Variants in PLEKHO2 observed in about 807,000 individuals in gnomAD.
PLEKHO2 encodes the protein pleckstrin homology domain-containing family O member 2.
A neutral mutation model predicts 32.7 loss-of-function variants in PLEKHO2; 20 were observed. The observed-to-expected ratio is 0.61, with a 90% CI of 0.43 to 0.89. The LOEUF (loss-of-function observed/expected upper bound fraction) is 0.89. Among genes scored for constraint, PLEKHO2 ranks in the 40% least tolerant of loss-of-function variants. PLEKHO2 has a pLI of 0.00. For missense variants in PLEKHO2, 568 were observed against 621.2 expected (o/e 0.91, Z 0.91); for synonymous variants, 247 against 246.3 (o/e 1.00, Z -0.03).
chr15:64,861,365 C>T (rs2084639407), intron 4 of PLEKHO2, 112 bp from the exon 5 acceptor site: 1 of 715,460 alleles, frequency 1.4e-6, no homozygotes. Context: ...GGGAGATTCC[C>T]AGAGAGGGCA....
At position 64,854,955 on chromosome 15, in the gene PLEKHO2, G is replaced by A; in HGVS notation, c.197G>A (p.Gly66Asp). 1 of 1,612,544 alleles carries A rather than the reference G, an allele frequency of 6.2e-7. No individual in the cohort carries two copies. The highest frequency in any genetic ancestry group is 1.3e-5 in the African/African-American group (1 of 75,042). The change falls in exon 3 of 6, where the codon GGC (glycine) becomes GAC (aspartate). Residue 66 changes from glycine to aspartate, a missense_variant. Coordinates refer to ENST00000323544, the MANE Select transcript of PLEKHO2 (RefSeq NM_025201.5). ...AAGTGTGTGGAGACTGTGGAGCTGG[G>A]CAGCTATGAGAAGTGCCAGGACCTT... Reference protein sequence around the residue: ...DQKCVETVELGSYEKCQDLRA... With the variant: ...DQKCVETVELDSYEKCQDLRA...
chr15:64,864,874 A>T (rs2084669611), intron 5 of PLEKHO2, 25 bp from the exon 6 acceptor site: 1 of 1,535,114 alleles, frequency 6.5e-7, no homozygotes, highest in East Asian at 2.3e-5. Context: ...CCAAGATGAC[A>T]CCCATATACC....
chr15:64,848,819 C>T, intron 2 of PLEKHO2, 77 bp downstream of exon 2: 2 of 1,581,148 alleles, frequency 1.3e-6, no homozygotes, highest in African/African-American at 1.3e-5. Context: ...AGTAGGAGGA[C>T]CCTGGGTCTG....
intron 1 of PLEKHO2, among the ~76,000 whole-genome samples, chr15:64,844,809 C>G (rs1299537248): frequency 6.6e-6 from 1 of 152,184 alleles, no homozygotes; most frequent in East Asian, 1.9e-4. Flanking sequence ...CCAAACGAAC[C>G]CCAAGCCCTT....
At chr15:64,844,232 A>G (rs1487868578) in intron 1 of PLEKHO2, among the ~76,000 whole-genome samples, 3 of 152,174 alleles carry the variant, frequency 2.0e-5, no homozygotes, top group Admixed American at 2.0e-4. Context: ...ACCCTGGGCC[A>G]AGGTCCCTCA....
At chr15:64,859,333 G>A (rs181849264) in intron 3 of PLEKHO2, among the ~76,000 whole-genome samples, 67 of 152,348 alleles carry the variant, frequency 4.4e-4, no homozygotes, top group Non-Finnish European at 7.9e-4. Context: ...TGAGGCCTGA[G>A]GTCAGACACC....
intron 2 of PLEKHO2, among the ~76,000 whole-genome samples, chr15:64,849,031 A>G (rs1353154199): frequency 6.6e-6 from 1 of 151,234 alleles, no homozygotes; most frequent in East Asian, 1.9e-4. Flanking sequence ...GCTGGAGTGC[A>G]GTGGCGAGAT....
chr15:64,865,939 C>T lies in PLEKHO2; in HGVS notation c.*51C>T. The T allele has an allele frequency of 6.4e-7, 1 of 1,555,610 alleles. No individual in the cohort carries two copies. Among genetic ancestry groups the T allele is most frequent in the Non-Finnish European group, 8.7e-7 (1 of 1,155,574 alleles). On this transcript the variant is annotated 3_prime_UTR_variant, in exon 6 of 6. Coordinates refer to ENST00000323544, the MANE Select transcript of PLEKHO2 (RefSeq NM_025201.5). The stretch of plus-strand genomic sequence containing the variant: ...CCTTCTGGCCATCCATCAAGTCCAT[C>T]AAGGCCCAGCCCTGCTGAGAAATGT...
chr15:64,856,987 A>G (rs548769984), intron 3 of PLEKHO2, among the ~76,000 whole-genome samples: 291 of 152,232 alleles, frequency 1.9e-3, no homozygotes, highest in African/African-American at 6.1e-3. Flanking sequence ...AATGTCTTAC[A>G]TGCCCCTCTC....
rs936267556 is a variant in PLEKHO2 at position 64,865,542 on chromosome 15, C to T, written c.1127C>T (p.Pro376Leu). The T allele has an allele frequency of 1.2e-6, 2 of 1,614,142 alleles. No individual in the cohort carries two copies. Among genetic ancestry groups the T allele is most frequent in the Non-Finnish European group, 1.7e-6 (2 of 1,180,026 alleles). The change falls in exon 6 of 6, where the codon CCC (proline) becomes CTC (leucine). Residue 376 changes from proline (P) to leucine (L), a missense_variant. By Grantham distance (98) the Pro-to-Leu change is moderately conservative (BLOSUM62 -3). Transcript: ENST00000323544. The part of the protein sequence containing the change: ...PKDATTSTAL[P>L]PWDLPPQFHP... ...GATGCAACAACATCCACAGCACTGC[C>T]CCCCTGGGACCTGCCACCTCAGTTC...
In PLEKHO2 at chr15:64,861,509, T is replaced by G; in HGVS notation, c.417T>G (p.His139Gln). Residue 139 changes from histidine to glutamine, a missense_variant, in exon 5 of 6, where the codon CAT becomes CAG. Transcript: ENST00000323544. The part of the protein sequence containing the change: ...VKVDKSCALE[H>Q]VTRDRVRGGQ... Reference sequence around the variant, plus strand: ...TGGACAAGAGCTGCGCCCTGGAGCATGTGACACGGGACCGGGTGCGAGGGG... The same window carrying G: ...TGGACAAGAGCTGCGCCCTGGAGCAGGTGACACGGGACCGGGTGCGAGGGG... 1 of 1,608,546 alleles carries G rather than the reference T, an allele frequency of 6.2e-7. No individual in the cohort carries two copies. Among genetic ancestry groups the G allele is most frequent in the Non-Finnish European group, 8.5e-7 (1 of 1,178,064 alleles).
chr15:64,863,329 C>T (rs832886), intron 5 of PLEKHO2, among the ~76,000 whole-genome samples: 49,934 of 151,738 alleles, frequency 0.33, 10,839 homozygotes, highest in East Asian at 0.76. Flanking sequence ...CGTGGGAGGT[C>T]TGTTTTTGAG....
chr15:64,864,481 G>A (rs1050443664), intron 5 of PLEKHO2, among the ~76,000 whole-genome samples: 2 of 152,162 alleles, frequency 1.3e-5, no homozygotes, highest in African/African-American at 4.8e-5. Flanking sequence ...GGGGACCCTG[G>A]GTATGGTGAT....
rs1325853346 is a variant in PLEKHO2 at position 64,859,951 on chromosome 15, G to A, written c.337G>A (p.Ala113Thr). ...TGEEKESWIK[A>T]LNEGINRGKN... ...GGAGGAGAAGGAATCCTGGATCAAA[G>A]CCCTCAATGAAGGGATTAACCGAGG... The change falls in exon 4 of 6, where the codon GCC becomes ACC. Residue 113 changes from alanine (A) to threonine (T), a missense_variant. Coordinates refer to ENST00000323544, the MANE Select transcript of PLEKHO2 (RefSeq NM_025201.5). 5.6e-6 allele frequency: 9 copies of A among 1,614,098 alleles called. No individual in the cohort carries two copies. Among genetic ancestry groups the A allele is most frequent in the African/African-American group, 1.3e-5 (1 of 74,926 alleles).
At chr15:64,842,160 A>G in intron 1 of PLEKHO2, 132 bp downstream of exon 1, 26 of 862,272 alleles carry the variant, frequency 3.0e-5, no homozygotes, top group Non-Finnish European at 4.0e-5. Flanking sequence ...AGCCTGGGCA[A>G]ATGGGGCAGG....
In PLEKHO2 at chr15:64,865,296, C is replaced by A. The variant is rs767044896; in HGVS notation, c.881C>A (p.Pro294His). Residue 294 changes from proline (P) to histidine (H), a missense_variant, in exon 6 of 6, where the codon CCC becomes CAC. Coordinates refer to ENST00000323544, the MANE Select transcript of PLEKHO2 (RefSeq NM_025201.5). ...AAESAEPSQAPCSETSEAAPR... is the reference protein window; with the variant it reads ...AAESAEPSQAHCSETSEAAPR... ...GAGAGTGCAGAACCGTCCCAGGCAC[C>A]CTGTTCTGAGACTTCTGAGGCTGCC... The A allele has an allele frequency of 3.7e-6, 6 of 1,613,722 alleles. No individual in the cohort carries two copies. Among genetic ancestry groups the A allele is most frequent in the Non-Finnish European group, 5.1e-6 (6 of 1,179,814 alleles).
chr15:64,843,001 C>A (rs2084496666), intron 1 of PLEKHO2, among the ~76,000 whole-genome samples: 1 of 152,188 alleles, frequency 6.6e-6, no homozygotes, highest in Admixed American at 6.5e-5. Context: ...AGGGAAGGGG[C>A]ATGTCTTTGC....
chr15:64,848,975 A>C (rs972469202), intron 2 of PLEKHO2, among the ~76,000 whole-genome samples: 1 of 151,726 alleles, frequency 6.6e-6, no homozygotes, highest in African/African-American at 2.4e-5. Context: ...ATTTTTTTAA[A>C]CTTAATTCTT....
chr15:64,852,753 T>C (rs1304161062), intron 2 of PLEKHO2, among the ~76,000 whole-genome samples: 1 of 151,994 alleles, frequency 6.6e-6, no homozygotes, highest in Non-Finnish European at 1.5e-5. Flanking sequence ...CCTGAGTAGC[T>C]GGGACCACAG....
Sources: gnomAD v4.1 joint callset for allele counts (sites outside exome capture counted in the v4.1 genomes callset) on GRCh38, gnomAD v4.1.1 for gene constraint, MANE v1.5 for transcripts, NCBI Gene and HGNC (gene_info 2026-07-23, HGNC 2026-07-21) for gene names.